MDGA2: variants seen among roughly 807,000 people sequenced by gnomAD.
MDGA2 encodes MAM domain-containing glycosylphosphatidylinositol anchor protein 2.
A neutral mutation model predicts 117.8 loss-of-function variants in MDGA2; 40 were observed. The ratio of observed to expected loss-of-function variants is 0.34; its 90% CI spans 0.26 to 0.44. MDGA2 has a LOEUF of 0.44. Among genes scored for constraint, MDGA2 ranks in the 20% least tolerant of loss-of-function variants. MDGA2 has a pLI of 1.00. For missense variants in MDGA2, 1,123 were observed against 1,250.6 expected (o/e 0.90, Z 1.54); for synonymous variants, 452 against 439.0 (o/e 1.03, Z -0.37).
intron 8 of MDGA2, among the ~76,000 whole-genome samples, chr14:46,969,933 CATATAT>C (rs1157465830): frequency 8.1e-3 from 123 of 15,194 alleles, no homozygotes; most frequent in Middle Eastern, 0.038. Flanking sequence ...TAAAGTATTC[CATATAT>C]ATATATATAT....
chr14:47,502,000 CA>C (rs1021821312), intron 1 of MDGA2, among the ~76,000 whole-genome samples: 2 of 151,606 alleles, frequency 1.3e-5, no homozygotes, highest in African/African-American at 4.8e-5. Context: ...AATTATCTAG[CA>C]AAAAAGTGAA....
intron 1 of MDGA2, among the ~76,000 whole-genome samples, chr14:47,472,572 G>A (rs1048260510): frequency 2.0e-5 from 3 of 152,270 alleles, no homozygotes; most frequent in Non-Finnish European, 4.4e-5. Context: ...TGTAGGTTTA[G>A]TTAATGCCAG....
intron 1 of MDGA2, among the ~76,000 whole-genome samples, chr14:47,312,922 A>C (rs189282193): frequency 0.11 from 13,146 of 120,922 alleles, 725 homozygotes; most frequent in Non-Finnish European, 0.13. Flanking sequence ...TTAATTATAT[A>C]TATACATATA....
intron 8 of MDGA2, among the ~76,000 whole-genome samples, chr14:47,011,680 T>G (rs555683634): frequency 5.0e-4 from 76 of 152,136 alleles, no homozygotes; most frequent in African/African-American, 1.8e-3. Context: ...TGCATATTTG[T>G]AATAGGCTGC....
intron 8 of MDGA2, among the ~76,000 whole-genome samples, chr14:47,002,329 T>C (rs972125679): frequency 2.0e-4 from 30 of 152,264 alleles, no homozygotes; most frequent in Admixed American, 1.8e-3. Context: ...ATTTTTCTCA[T>C]AATTTCTTTT....
At chr14:47,161,303 T>A (rs10132399) in intron 3 of MDGA2, among the ~76,000 whole-genome samples, 60,722 of 151,732 alleles carry the variant, frequency 0.4, 12,753 homozygotes, top group African/African-American at 0.53. Context: ...GTTTTGTTCA[T>A]AGTTTTTACT....
chr14:47,038,080 C>T (rs975026846), intron 7 of MDGA2, among the ~76,000 whole-genome samples: 1 of 152,074 alleles, frequency 6.6e-6, no homozygotes, highest in Non-Finnish European at 1.5e-5. Flanking sequence ...CAGGTGTGCA[C>T]CACCACACCC....
chr14:47,043,600 A>T (rs1431128815), intron 7 of MDGA2, among the ~76,000 whole-genome samples: 1 of 152,136 alleles, frequency 6.6e-6, no homozygotes, highest in Non-Finnish European at 1.5e-5. Context: ...TTTCTTAAAA[A>T]TCATGTCACT....
chr14:47,171,283 T>C (rs1018845903), intron 3 of MDGA2, among the ~76,000 whole-genome samples: 8 of 152,246 alleles, frequency 5.3e-5, no homozygotes, highest in African/African-American at 1.7e-4. Flanking sequence ...AAACTATTTT[T>C]TTTGCTTTAA....
chr14:47,141,827 ATATTG>A (rs1882731934), intron 4 of MDGA2, among the ~76,000 whole-genome samples: 1 of 152,194 alleles, frequency 6.6e-6, no homozygotes, highest in African/African-American at 2.4e-5. Context: ...CTATTTAACA[ATATTG>A]TATTGTATGT....
intron 8 of MDGA2, among the ~76,000 whole-genome samples, chr14:47,022,673 G>A (rs187734437): frequency 2.6e-5 from 4 of 152,226 alleles, no homozygotes; most frequent in Non-Finnish European, 4.4e-5. Context: ...TAGCAGGGGG[G>A]AAATGATATT....
intron 1 of MDGA2, among the ~76,000 whole-genome samples, chr14:47,381,831 T>C (rs1279855125): frequency 1.3e-5 from 2 of 152,182 alleles, no homozygotes; most frequent in African/African-American, 4.8e-5. Flanking sequence ...AAGCTACCAA[T>C]GACTTTCTTC....
At chr14:47,026,383 T>C (rs1237566478) in intron 8 of MDGA2, among the ~76,000 whole-genome samples, 1 of 152,156 alleles carries the variant, frequency 6.6e-6, no homozygotes, top group Non-Finnish European at 1.5e-5. Context: ...ACTTCTGAAG[T>C]TCTTTGAATT....
intron 3 of MDGA2, among the ~76,000 whole-genome samples, chr14:47,210,528 A>G (rs184349684): frequency 6.6e-6 from 1 of 152,332 alleles, no homozygotes; most frequent in Non-Finnish European, 1.5e-5. Flanking sequence ...CAAGAATCTT[A>G]AGGTAACAAA....
chr14:47,538,021 C>T (rs1367570192), intron 1 of MDGA2, among the ~76,000 whole-genome samples: 1 of 152,190 alleles, frequency 6.6e-6, no homozygotes. Flanking sequence ...TCTACCAGCA[C>T]TGATGTTTAA....
intron 6 of MDGA2, among the ~76,000 whole-genome samples, chr14:47,096,079 G>C (rs1185749968): frequency 6.6e-6 from 1 of 151,932 alleles, no homozygotes; most frequent in Non-Finnish European, 1.5e-5. Flanking sequence ...CCTAAATGGT[G>C]CCAGCATACT....
At chr14:47,314,627 A>G (rs1420318464) in intron 1 of MDGA2, among the ~76,000 whole-genome samples, 8 of 152,044 alleles carry the variant, frequency 5.3e-5, no homozygotes, top group African/African-American at 1.9e-4. Flanking sequence ...GCAGTGAGCT[A>G]TAATTGCACC....
At chr14:47,261,790 G>A (rs566255556) in intron 2 of MDGA2, among the ~76,000 whole-genome samples, 3 of 152,234 alleles carry the variant, frequency 2.0e-5, no homozygotes, top group South Asian at 4.1e-4. Flanking sequence ...CTTGTCTTAT[G>A]AGCCCACCTG....
At chr14:47,590,630 T>C (rs1222550556) in intron 1 of MDGA2, among the ~76,000 whole-genome samples, 1 of 151,948 alleles carries the variant, frequency 6.6e-6, no homozygotes, top group African/African-American at 2.4e-5. Context: ...CAATAATTTA[T>C]TGTACATTTT....
Sources: allele counts gnomAD v4.1 joint callset (sites outside exome capture counted in the v4.1 genomes callset), GRCh38; gene constraint gnomAD v4.1.1; transcripts MANE v1.5; gene names NCBI Gene and HGNC (gene_info 2026-07-23, HGNC 2026-07-21).